The following MMADHC variants were observed in gnomAD, a reference collection of about 807,000 sequenced individuals.
The protein encoded by MMADHC is metabolism of cobalamin associated D.
Under a neutral mutation model 36.3 loss-of-function variants are expected in MMADHC, and 23 were observed. The observed-to-expected ratio is 0.63, with a 90% CI of 0.46 to 0.90. The LOEUF is 0.90. MMADHC is among the 40% of genes least tolerant of loss of function. The probability of loss-of-function intolerance (pLI) is 0.00; values close to 1 mark genes in which losing one functional copy is unlikely to be tolerated. For synonymous variants in MMADHC, 97 were observed against 116.1 expected, an observed-to-expected ratio of 0.84 and a Z score of 1.06; for missense variants, 330 against 348.0, an observed-to-expected ratio of 0.95 and a Z score of 0.41.
chr2:149,582,665 C>T (rs965428749), intron 2 of MMADHC, among the ~76,000 whole-genome samples: 6 of 152,098 alleles, frequency 3.9e-5, no homozygotes, highest in Admixed American at 1.3e-4. Flanking sequence ...CTGTTACTTT[C>T]GAACTTTTCT....
chr2:149,572,264 G>A (rs527743995), intron 6 of MMADHC: 20 of 422,050 alleles, frequency 4.7e-5, no homozygotes, highest in Admixed American at 2.7e-4. Flanking sequence ...GCTTGAACCC[G>A]GGAGGCAGAG....
Position 149,575,861 on chromosome 2 carries a change from T to C in MMADHC, c.479-20A>G, listed in dbSNP as rs750928080. ...CAAAATCTACAAATAAGAATAAACA[T>C]TCCAGGTAGAAAAGAATTTGATTTT... On this transcript the variant is annotated intron_variant, in intron 5 of 7. Coordinates refer to ENST00000303319, the MANE Select transcript of MMADHC (RefSeq NM_015702.3). 11 of 1,570,916 alleles carry C rather than the reference T, an allele frequency of 7.0e-6. No individual in the cohort carries two copies. The highest frequency in any genetic ancestry group is 4.5e-5 in the East Asian group (2 of 44,326).
In MMADHC at chr2:149,576,509, T is replaced by C. The variant is rs1345924349; in HGVS notation, c.406A>G (p.Ser136Gly). Reference sequence around the variant, plus strand: ...GCACTTTCAAAGTAAGTTTCTGCACTGTTAATTTCTTGTTCAACAGGTGCA... The same window carrying C: ...GCACTTTCAAAGTAAGTTTCTGCACCGTTAATTTCTTGTTCAACAGGTGCA... ...NDAPVEQEINSAETYFESARV... is the reference protein window; with the variant it reads ...NDAPVEQEINGAETYFESARV... Residue 136 changes from serine to glycine, a missense_variant, in exon 5 of 8, where the codon AGT (serine) becomes GGT (glycine). Transcript: ENST00000303319. 3 of 1,613,648 alleles carry C rather than the reference T, an allele frequency of 1.9e-6. No homozygotes were observed. Among genetic ancestry groups the C allele is most frequent in the East Asian group, 2.2e-5 (1 of 44,810 alleles).
At chr2:149,585,155 G>A (rs1236968924) in intron 2 of MMADHC, among the ~76,000 whole-genome samples, 1 of 152,108 alleles carries the variant, frequency 6.6e-6, no homozygotes, top group East Asian at 1.9e-4. Context: ...GGTTCAGCTG[G>A]TGAACATAAT....
At chr2:149,587,493 A>C (rs1157141137) in intron 1 of MMADHC, 171 bp downstream of exon 1, 1 of 311,768 alleles carries the variant, frequency 3.2e-6, no homozygotes, top group East Asian at 7.2e-5. Flanking sequence ...GCTCCAAGCA[A>C]AGCTTCAGGC....
intron 2 of MMADHC, among the ~76,000 whole-genome samples, chr2:149,584,843 C>T (rs545729869): frequency 1.1e-4 from 16 of 151,994 alleles, no homozygotes; most frequent in South Asian, 2.1e-4. Flanking sequence ...GAGGTCTAGC[C>T]TGGCCAACAT....
chr2:149,576,593 G>A (rs771413897), intron 4 of MMADHC, 51 bp from the exon 5 acceptor site: 8 of 1,241,806 alleles, frequency 6.4e-6, no homozygotes, highest in East Asian at 4.6e-5. Flanking sequence ...CAAATAAAAC[G>A]GTATCTTGCC....
chr2:149,570,208 G>A (rs1330142279), intron 7 of MMADHC, 40 bp from the exon 8 acceptor site: 1 of 1,507,172 alleles, frequency 6.6e-7, no homozygotes, highest in South Asian at 1.2e-5. Flanking sequence ...TAGTAAGAAA[G>A]ACATTTTAGT....
At chr2:149,574,740 G>T (rs1475720339) in intron 6 of MMADHC, among the ~76,000 whole-genome samples, 2 of 152,216 alleles carry the variant, frequency 1.3e-5, no homozygotes, top group African/African-American at 4.8e-5. Flanking sequence ...TTTGTAAAAA[G>T]ACTGTCACTG....
chr2:149,575,148 T>C (rs574023078), intron 6 of MMADHC, among the ~76,000 whole-genome samples: 3 of 152,290 alleles, frequency 2.0e-5, no homozygotes, highest in South Asian at 2.1e-4. Flanking sequence ...ATTAATACTA[T>C]GCAGATTTTA....
At chr2:149,573,929 T>A (rs1682679769) in intron 6 of MMADHC, among the ~76,000 whole-genome samples, 1 of 152,080 alleles carries the variant, frequency 6.6e-6, no homozygotes, top group African/African-American at 2.4e-5. Flanking sequence ...AACACTGACA[T>A]CTGCTGGAAA....
chr2:149,576,964 C>T (rs925811177), intron 4 of MMADHC, among the ~76,000 whole-genome samples: 1 of 152,138 alleles, frequency 6.6e-6, no homozygotes, highest in African/African-American at 2.4e-5. Context: ...GCCTCTCCTA[C>T]AGGAAGAGCT....
chr2:149,579,775 G>A (rs866474212), intron 3 of MMADHC, 127 bp from the exon 4 acceptor site: 1 of 852,254 alleles, frequency 1.2e-6, no homozygotes, highest in South Asian at 1.7e-5. Flanking sequence ...GCTTTCCCAT[G>A]TGAATATAAA....
Position 149,578,199 on chromosome 2 carries a change from C to A in MMADHC, c.372+1232G>T, listed in dbSNP as rs1419053457. On this transcript the variant is annotated intron_variant, in intron 4 of 7. Coordinates refer to ENST00000303319, the MANE Select transcript of MMADHC (RefSeq NM_015702.3). The stretch of plus-strand genomic sequence containing the variant: ...TAAAAATCCAGGTAAGACAAAGAGG[C>A]CTTGAACTCTGGCAAAGAATTGAAA... Among the ~76,000 whole-genome samples the A allele has an allele frequency of 3.3e-5, 5 of 152,044 alleles. No homozygotes were observed. The East Asian group carries it at 7.7e-4, about 23-fold the overall frequency.
intron 7 of MMADHC, 72 bp downstream of exon 7, chr2:149,571,013 G>A: frequency 1.6e-6 from 2 of 1,249,654 alleles, no homozygotes; most frequent in Non-Finnish European, 2.3e-6. Context: ...TATTACCAAA[G>A]TTATAAACAC....
intron 2 of MMADHC, among the ~76,000 whole-genome samples, chr2:149,584,929 G>A (rs1682844632): frequency 2.0e-5 from 3 of 151,800 alleles, no homozygotes; most frequent in Admixed American, 2.0e-4. Context: ...TATAATCCCA[G>A]CTACTTAGGA....
At chr2:149,583,927 G>A (rs1055771917) in intron 2 of MMADHC, among the ~76,000 whole-genome samples, 10 of 151,688 alleles carry the variant, frequency 6.6e-5, no homozygotes, top group African/African-American at 1.7e-4. Flanking sequence ...TTTCCTTATC[G>A]TTCTAGAAAA....
chr2:149,576,869 G>A (rs759403434), intron 4 of MMADHC, among the ~76,000 whole-genome samples: 1 of 151,988 alleles, frequency 6.6e-6, no homozygotes, highest in Non-Finnish European at 1.5e-5. Flanking sequence ...TCTATTTTAT[G>A]GTAATATTTA....
chr2:149,587,302 C>G, intron 1 of MMADHC, 153 bp from the exon 2 acceptor site: 2 of 616,080 alleles, frequency 3.2e-6, no homozygotes, highest in Non-Finnish European at 5.8e-6. Context: ...GAACTCGCCC[C>G]CATGCCAGGC....
Sources: allele counts gnomAD v4.1 joint callset (sites outside exome capture counted in the v4.1 genomes callset), GRCh38; gene constraint gnomAD v4.1.1; transcripts MANE v1.5; gene names NCBI Gene and HGNC (gene_info 2026-07-23, HGNC 2026-07-21).